The following CECR2 variants were observed in gnomAD, a reference collection of about 807,000 sequenced individuals.
CECR2 encodes CECR2 histone acetyl-lysine reader, also known as chromatin remodeling regulator CECR2.
CECR2 carries 30 observed loss-of-function variants against 154.5 expected under a neutral mutation model. That is an observed-to-expected ratio of 0.19 (90% CI 0.15 to 0.26). The LOEUF is 0.26. Among genes scored for constraint, CECR2 ranks in the 10% least tolerant of loss-of-function variants. CECR2 has a pLI of 1.00. For synonymous variants in CECR2, 725 were observed against 683.7 expected, an observed-to-expected ratio of 1.06 and a Z score of -0.94; for missense variants, 1,743 against 1,829.3, an observed-to-expected ratio of 0.95 and a Z score of 0.86.
At chr22:17,443,341 T>C (rs1047978457) in intron 1 of CECR2, among the ~76,000 whole-genome samples, 1 of 152,200 alleles carries the variant, frequency 6.6e-6, no homozygotes, top group Non-Finnish European at 1.5e-5. Context: ...AACTTGTTGG[T>C]AATTGTAATA....
chr22:17,547,203 C>T (rs141219342), intron 16 of CECR2, among the ~76,000 whole-genome samples: 1,675 of 151,520 alleles, frequency 0.011, 35 homozygotes, highest in African/African-American at 0.038. Context: ...TTTGATTGGG[C>T]TTAGTAAATT....
At chr22:17,502,393 T>C (rs760246831) in intron 5 of CECR2, among the ~76,000 whole-genome samples, 1 of 152,196 alleles carries the variant, frequency 6.6e-6, no homozygotes, top group Non-Finnish European at 1.5e-5. Flanking sequence ...TCTTTTTTCT[T>C]GGCATTTAAT....
intron 1 of CECR2, among the ~76,000 whole-genome samples, chr22:17,446,283 G>A (rs2054661203): frequency 1.3e-5 from 2 of 152,262 alleles, no homozygotes; most frequent in African/African-American, 4.8e-5. Context: ...GGCTGGGGCA[G>A]GAGGATTGAG....
At chr22:17,441,401 C>T (rs1018677278) in intron 1 of CECR2, among the ~76,000 whole-genome samples, 3 of 152,200 alleles carry the variant, frequency 2.0e-5, no homozygotes, top group Non-Finnish European at 1.5e-5. Flanking sequence ...GGCTGATAAT[C>T]TTAACACAGA....
chr22:17,511,813 G>A lies in CECR2; in HGVS notation c.871G>A (p.Gly291Arg). Residue 291 changes from glycine to arginine, a missense_variant and splice_region_variant, in exon 8 of 19, where the codon GGA (glycine) becomes AGA (arginine). Coordinates refer to ENST00000262608, the MANE Select transcript of CECR2 (RefSeq NM_001290047.2). ...PEICNMIAQK[G>R]KRPQRTKAEL... Reference sequence around the variant, plus strand: ...TTCTCTTCTTCACTTCTAACTATAGGGAAAACGTCCACAGCGCACAAAGGC... The same window carrying A: ...TTCTCTTCTTCACTTCTAACTATAGAGAAAACGTCCACAGCGCACAAAGGC... 6.2e-7 allele frequency: 1 copy of A among 1,610,518 alleles called. No individual in the cohort carries two copies. Among genetic ancestry groups the A allele is most frequent in the Non-Finnish European group, 8.5e-7 (1 of 1,178,086 alleles).
chr22:17,540,568 G>C lies in CECR2; in HGVS notation c.1652G>C (p.Ser551Thr), dbSNP rs1166610753. 6.2e-7 allele frequency: 1 copy of C among 1,612,708 alleles called. No homozygotes were observed. The highest frequency in any genetic ancestry group is 8.5e-7 in the Non-Finnish European group (1 of 1,179,156). Residue 551 changes from serine to threonine, a missense_variant, in exon 14 of 19, where the codon AGC becomes ACC. Coordinates refer to ENST00000262608, the MANE Select transcript of CECR2 (RefSeq NM_001290047.2). ...RRSRAGRSGG[S>T]HVWTRSRDPE... ...AGTCGGGCTGGGCGAAGTGGTGGGA[G>C]CCATGTTTGGACCCGCTCCAGGGAC... is the stretch of plus-strand genomic sequence containing the variant.
chr22:17,442,620 C>G (rs1344059474), intron 1 of CECR2, among the ~76,000 whole-genome samples: 1 of 152,114 alleles, frequency 6.6e-6, no homozygotes, highest in Non-Finnish European at 1.5e-5. Context: ...GCGGTCTCAG[C>G]TCACTGCAGC....
At chr22:17,515,276 G>A (rs1429058980) in intron 8 of CECR2, among the ~76,000 whole-genome samples, 2 of 152,186 alleles carry the variant, frequency 1.3e-5, no homozygotes, top group Non-Finnish European at 2.9e-5. Flanking sequence ...GCAGATTGTG[G>A]AGAAAGTGGT....
chr22:17,361,132 C>T (rs2062974774), intron 1 of CECR2, among the ~76,000 whole-genome samples: 1 of 152,140 alleles, frequency 6.6e-6, no homozygotes, highest in Admixed American at 6.6e-5. Flanking sequence ...CCCTGCTCTC[C>T]AGCCTCGGTG....
chr22:17,485,111 C>T lies in CECR2; in HGVS notation c.221+7429C>T, dbSNP rs187240440. ...GATACTGGCCAGCATGTCCTATGTC[C>T]TGGACGCTGCCAACTGCTTCTCAAG... On this transcript the variant is annotated intron_variant, in intron 2 of 18. Coordinates refer to ENST00000262608, the MANE Select transcript of CECR2 (RefSeq NM_001290047.2). Among the ~76,000 whole-genome samples the T allele has an allele frequency of 9.2e-5, 14 of 152,310 alleles. No homozygotes were observed. In the East Asian group the frequency reaches 2.7e-3, roughly 29 times the overall value.
intron 1 of CECR2, among the ~76,000 whole-genome samples, chr22:17,389,360 C>T (rs1239646692): frequency 1.3e-5 from 2 of 151,900 alleles, no homozygotes; most frequent in Non-Finnish European, 2.9e-5. Context: ...CCTGCCTGTC[C>T]GGCTAGCTAG....
At chr22:17,376,916 A>G (rs2063125730) in intron 1 of CECR2, among the ~76,000 whole-genome samples, 1 of 152,148 alleles carries the variant, frequency 6.6e-6, no homozygotes, top group South Asian at 2.1e-4. Flanking sequence ...GATTAAAGGC[A>G]TGAGCCACCG....
At chr22:17,398,623 C>T (rs1471164472) in intron 1 of CECR2, among the ~76,000 whole-genome samples, 1 of 152,220 alleles carries the variant, frequency 6.6e-6, no homozygotes, top group Non-Finnish European at 1.5e-5. Flanking sequence ...ATTTACTTAA[C>T]AGCCCTTACA....
intron 1 of CECR2, among the ~76,000 whole-genome samples, chr22:17,476,117 C>T (rs2055203524): frequency 6.6e-6 from 1 of 150,378 alleles, no homozygotes; most frequent in South Asian, 2.2e-4. Flanking sequence ...CTAATATCCT[C>T]CTGCACCTGG....
At chr22:17,511,951 C>G in intron 8 of CECR2, 55 bp downstream of exon 8, 2 of 1,322,992 alleles carry the variant, frequency 1.5e-6, no homozygotes, top group Non-Finnish European at 1.1e-6. Context: ...GAGACGGATC[C>G]TTTTCATGTA....
rs1313171620 is a variant in CECR2 at position 17,497,458 on chromosome 22, G to A, written c.277G>A (p.Glu93Lys). 8 of 1,613,798 alleles carry A rather than the reference G, an allele frequency of 5.0e-6. No individual in the cohort carries two copies. The highest frequency in any genetic ancestry group is 2.7e-5 in the African/African-American group (2 of 74,914). Residue 93 changes from glutamate (E) to lysine (K), a missense_variant, in exon 3 of 19, where the codon GAA (glutamate) becomes AAA (lysine). Coordinates refer to ENST00000262608, the MANE Select transcript of CECR2 (RefSeq NM_001290047.2). ...EDIINYRWEL[E>K]EGKPNPLREA... is the part of the protein sequence containing the mutation. ...CATCATCAACTACCGCTGGGAGCTC[G>A]AAGAAGGGAAGCCCAACCCTCTGAG...
chr22:17,413,208 A>G (rs565115288), intron 1 of CECR2, among the ~76,000 whole-genome samples: 1 of 152,288 alleles, frequency 6.6e-6, no homozygotes, highest in Admixed American at 6.5e-5. Flanking sequence ...TCTTGTGAGG[A>G]AAACACAGAG....
intron 2 of CECR2, among the ~76,000 whole-genome samples, chr22:17,485,448 C>T (rs1031370545): frequency 6.6e-6 from 1 of 152,196 alleles, no homozygotes; most frequent in African/African-American, 2.4e-5. Flanking sequence ...CATAAGATTA[C>T]ACCCGAACCC....
At chr22:17,480,214 G>C (rs1368260054) in intron 2 of CECR2, among the ~76,000 whole-genome samples, 1 of 151,904 alleles carries the variant, frequency 6.6e-6, no homozygotes, top group Non-Finnish European at 1.5e-5. Context: ...ACTGATGTCT[G>C]CTTCAAGCTG....
Sources: gnomAD v4.1 joint callset for allele counts (sites outside exome capture counted in the v4.1 genomes callset) on GRCh38, gnomAD v4.1.1 for gene constraint, MANE v1.5 for transcripts, NCBI Gene and HGNC (gene_info 2026-07-23, HGNC 2026-07-21) for gene names.